C11orf65: variants seen among roughly 807,000 people sequenced by gnomAD.
The protein encoded by C11orf65 is protein MFI.
Under a neutral mutation model 35.3 loss-of-function variants are expected in C11orf65, and 38 were observed. That is an observed-to-expected ratio of 1.08 (90% CI 0.83 to 1.41). The LOEUF (loss-of-function observed/expected upper bound fraction) is 1.41, where lower values mean the gene tolerates loss of function less well. Among genes scored for constraint, C11orf65 ranks in the 40% most tolerant of loss-of-function variants. The pLI is 0.00. For missense variants in C11orf65, 370 were observed against 367.1 expected, an observed-to-expected ratio of 1.01 and a Z score of -0.06; for synonymous variants, 105 against 114.4, an observed-to-expected ratio of 0.92 and a Z score of 0.53.
At chr11:108,379,899 G>T (rs2091832310), downstream of C11orf65, among the ~76,000 whole-genome samples, 2 of 152,116 alleles carry the variant, frequency 1.3e-5, no homozygotes, top group Admixed American at 6.5e-5. Flanking sequence ...GGTAATATTT[G>T]ACAGATTTCA....
chr11:108,314,470 G>A (rs1359993231), intron 6 of C11orf65, among the ~76,000 whole-genome samples: 1 of 150,198 alleles, frequency 6.7e-6, no homozygotes, highest in Non-Finnish European at 1.5e-5. Flanking sequence ...TTTTTTTTAT[G>A]TGATATAAGC....
In C11orf65 at chr11:108,407,021, T is replaced by A. The variant is rs548546739; in HGVS notation, c.229-58A>T. The A allele has an allele frequency of 3.0e-5, 47 of 1,573,618 alleles. No individual in the cohort carries two copies. The African/African-American group carries it at 5.3e-4, about 18-fold the overall frequency. On this transcript the variant is annotated intron_variant, in intron 4 of 8. Transcript: ENST00000393084. Reference sequence around the variant, plus strand: ...ATGTAACTACAAAAATGTTTTACATTTTGAAAAATTACATTGTTTCAATTT... The same window carrying A: ...ATGTAACTACAAAAATGTTTTACATATTGAAAAATTACATTGTTTCAATTT...
intron 2 of C11orf65, among the ~76,000 whole-genome samples, chr11:108,358,628 G>A (rs1265060504): frequency 7.2e-6 from 1 of 138,570 alleles, no homozygotes; most frequent in African/African-American, 2.7e-5. Flanking sequence ...AGAAGAGAGT[G>A]GGGGCCAATA....
chr11:108,314,047 G>T (rs917009991), intron 6 of C11orf65, among the ~76,000 whole-genome samples: 1 of 151,986 alleles, frequency 6.6e-6, no homozygotes, highest in East Asian at 1.9e-4. Flanking sequence ...AAAAATCCAC[G>T]ACCTTTATTC....
intron 3 of C11orf65, among the ~76,000 whole-genome samples, chr11:108,416,246 C>T (rs1000683693): frequency 6.6e-6 from 1 of 152,120 alleles, no homozygotes; most frequent in Non-Finnish European, 1.5e-5. Flanking sequence ...CTTTAACCTT[C>T]ACTATAAGAA....
chr11:108,392,338 A>C (rs897724846), intron 7 of C11orf65, among the ~76,000 whole-genome samples: 3 of 152,182 alleles, frequency 2.0e-5, no homozygotes, highest in Non-Finnish European at 4.4e-5. Flanking sequence ...CACCATGCCC[A>C]GCCCACTAAT....
rs4988123 is a variant in C11orf65, at chr11:108,331,750, T to TGCAG, written c.300-187_300-184dup. 9.8e-3 allele frequency: 12,677 copies of TGCAG among 1,298,556 alleles called. 127 individuals are homozygous for TGCAG. The highest frequency in any genetic ancestry group is 0.012 in the Non-Finnish European group (11,579 of 933,488). 80.4% of individuals were successfully genotyped at this position (1,298,556 alleles called of 1,614,324 possible). A position where few individuals can be genotyped will look rare whatever the true frequency, so the allele number is the denominator to read the frequency against. ...TAGGCCTCTGCCTTTTTCTCACACA[T>TGCAG]GCAGGCATACACGCTCTACCCACTG... On this transcript the variant is annotated intron_variant, in intron 3 of 3. Coordinates refer to the C11orf65 transcript ENST00000524755.
chr11:108,443,067 G>C (rs904231177), intron 2 of C11orf65, among the ~76,000 whole-genome samples: 1 of 152,122 alleles, frequency 6.6e-6, no homozygotes, highest in Non-Finnish European at 1.5e-5. Flanking sequence ...CTGTATTCAG[G>C]AGACCCATCT....
At chr11:108,459,659 A>G (rs1301492888) in intron 2 of C11orf65, among the ~76,000 whole-genome samples, 1 of 151,496 alleles carries the variant, frequency 6.6e-6, no homozygotes, top group African/African-American at 2.4e-5. Flanking sequence ...GTTATGGATT[A>G]ACCTTCTACA....
intron 6 of C11orf65, among the ~76,000 whole-genome samples, chr11:108,320,735 T>TG (rs2085141324): frequency 6.6e-6 from 1 of 152,208 alleles, no homozygotes; most frequent in Non-Finnish European, 1.5e-5. Context: ...TTGAACCACT[T>TG]GGAGGTTAGG....
chr11:108,412,386 T>C (rs1241500353), intron 3 of C11orf65, among the ~76,000 whole-genome samples: 1 of 152,000 alleles, frequency 6.6e-6, no homozygotes, highest in Non-Finnish European at 1.5e-5. Flanking sequence ...TCAATAACTT[T>C]AAATGTCAAT....
intron 2 of C11orf65, among the ~76,000 whole-genome samples, chr11:108,350,017 C>T (rs1395003466): frequency 6.6e-6 from 1 of 152,048 alleles, no homozygotes; most frequent in South Asian, 2.1e-4. Context: ...AAAGCATGCT[C>T]ATTTGCTAAG....
At chr11:108,336,795 G>T (rs1037331465) in intron 2 of C11orf65, among the ~76,000 whole-genome samples, 1 of 152,148 alleles carries the variant, frequency 6.6e-6, no homozygotes, top group Non-Finnish European at 1.5e-5. Flanking sequence ...ATTTGCCTGA[G>T]AAGACAATCC....
At chr11:108,351,601 C>G (rs1002995220) in intron 2 of C11orf65, among the ~76,000 whole-genome samples, 2 of 152,146 alleles carry the variant, frequency 1.3e-5, no homozygotes, top group Admixed American at 1.3e-4. Flanking sequence ...ACTTACATGT[C>G]TGATGCTTCA....
chr11:108,388,063 G>T (rs2092055118), intron 7 of C11orf65, among the ~76,000 whole-genome samples: 1 of 152,142 alleles, frequency 6.6e-6, no homozygotes, highest in African/African-American at 2.4e-5. Flanking sequence ...TGCTTTCAGT[G>T]GTTGCTCAGG....
At position 108,365,169 on chromosome 11, in the gene C11orf65, C is replaced by G. The variant is rs786203721; in HGVS notation, c.226+28039G>C. 6.2e-7 allele frequency: 1 copy of G among 1,614,222 alleles called. No homozygotes were observed. The highest frequency in any genetic ancestry group is 1.3e-5 in the African/African-American group (1 of 75,056). ...GCAGAGGCCGGAAGATGAAACTGAG[C>G]TTCACCCTACTCTGAATGCAGATGA... On this transcript the variant is annotated intron_variant, in intron 2 of 3. Transcript: ENST00000524755.
downstream of C11orf65, chr11:108,328,924 A>G (rs1481256075): frequency 7.8e-7 from 1 of 1,276,026 alleles, no homozygotes; most frequent in Admixed American, 2.0e-5. Flanking sequence ...TTATATGTAT[A>G]TAAGTTAAAT....
At chr11:108,466,970 G>C (rs574585951) in intron 1 of C11orf65, among the ~76,000 whole-genome samples, 56 of 99,000 alleles carry the variant, frequency 5.7e-4, no homozygotes, top group Middle Eastern at 6.4e-3. Flanking sequence ...CTTGATGCTA[G>C]GGGCAGGAGA....
At chr11:108,437,145 G>T (rs1311551173) in intron 2 of C11orf65, among the ~76,000 whole-genome samples, 8 of 147,762 alleles carry the variant, frequency 5.4e-5, no homozygotes, top group Non-Finnish European at 1.2e-4. Flanking sequence ...AAATTATCTA[G>T]GTGTGGTGAT....
Sources: gnomAD v4.1 joint callset for allele counts (sites outside exome capture counted in the v4.1 genomes callset) on GRCh38, gnomAD v4.1.1 for gene constraint, MANE v1.5 for transcripts, NCBI Gene and HGNC (gene_info 2026-07-23, HGNC 2026-07-21) for gene names.